PCCA: variants seen among roughly 807,000 people sequenced by gnomAD.
PCCA encodes propionyl-CoA carboxylase subunit alpha.
PCCA carries 74 observed loss-of-function variants against 101.3 expected under a neutral mutation model. That is an observed-to-expected ratio of 0.73 (90% confidence interval 0.61 to 0.89). The LOEUF is 0.89. Among genes scored for constraint, PCCA ranks in the 40% least tolerant of loss-of-function variants. PCCA has a pLI of 0.00. For missense variants in PCCA, 891 were observed against 907.0 expected, an observed-to-expected ratio of 0.98 and a Z score of 0.23; for synonymous variants, 294 against 313.6, an observed-to-expected ratio of 0.94 and a Z score of 0.66.
rs985447229 is a variant in PCCA, at chr13:100,520,597, A to T, written c.2040+5030A>T. On this transcript the variant is annotated intron_variant, in intron 22 of 23. Coordinates refer to ENST00000376285, the MANE Select transcript of PCCA (RefSeq NM_000282.4). ...TTGCAGTGAGCGGAGATCGCGCCAC[A>T]GCACTCCAGCCTGGGCGACAGAGCG... is the stretch of plus-strand genomic sequence containing the variant. 6.0e-3 allele frequency among the ~76,000 whole-genome samples: 826 copies of T among 137,804 alleles called. 4 individuals carry two copies. Among genetic ancestry groups the T allele is most frequent in the African/African-American group, 0.011 (409 of 36,270 alleles). 90.4% of individuals were successfully genotyped at this position (137,804 alleles called of 152,430 possible).
intron 21 of PCCA, among the ~76,000 whole-genome samples, chr13:100,511,140 C>T (rs1279969597): frequency 1.3e-5 from 2 of 152,176 alleles, no homozygotes; most frequent in Admixed American, 6.5e-5. Flanking sequence ...GAGAGTAGAA[C>T]GTGGTTGAAT....
At chr13:100,482,975 A>C (rs1338081313) in intron 21 of PCCA, among the ~76,000 whole-genome samples, 1 of 152,214 alleles carries the variant, frequency 6.6e-6, no homozygotes, top group African/African-American at 2.4e-5. Flanking sequence ...TAATGTTTCT[A>C]ATAATGGAAT....
At chr13:100,345,555 A>G (rs1300046959) in intron 18 of PCCA, among the ~76,000 whole-genome samples, 1 of 152,230 alleles carries the variant, frequency 6.6e-6, no homozygotes, top group Non-Finnish European at 1.5e-5. Context: ...TCTCCATAAC[A>G]TAAAAGTGGA....
At chr13:100,444,992 T>A (rs2080716225) in intron 20 of PCCA, among the ~76,000 whole-genome samples, 1 of 152,192 alleles carries the variant, frequency 6.6e-6, no homozygotes, top group African/African-American at 2.4e-5. Context: ...AGAAAAAGTT[T>A]ATTTGGCTCG....
At chr13:100,189,314 G>A (rs958561060) in intron 6 of PCCA, among the ~76,000 whole-genome samples, 1 of 152,190 alleles carries the variant, frequency 6.6e-6, no homozygotes, top group African/African-American at 2.4e-5. Flanking sequence ...TTGGTTCCAT[G>A]TCTTTGCTAC....
chr13:100,102,967 A>T lies in PCCA; in HGVS notation c.183+7A>T. 6.5e-7 allele frequency: 1 copy of T among 1,543,274 alleles called. No homozygotes were observed. The highest frequency in any genetic ancestry group is 9.0e-7 in the Non-Finnish European group (1 of 1,115,718). On this transcript the variant is annotated splice_region_variant and intron_variant, in intron 2 of 23. Transcript: ENST00000376285. ...ATATGATCCTAATGAAAAAGTAAGT[A>T]TTTAAAAGATATTCTCAACAACTAA... is the stretch of plus-strand genomic sequence containing the variant.
In PCCA at chr13:100,470,883, T is replaced by C. The variant is rs551610264; in HGVS notation, c.1899+21578T>C. On this transcript the variant is annotated intron_variant, in intron 21 of 23. Transcript: ENST00000376285. ...CAAAAAATAAAAATAAAAAAACTTT[T>C]CATATCAGCAACAAGGCTATTTCAC... 1.1e-4 allele frequency among the ~76,000 whole-genome samples: 17 copies of C among 152,042 alleles called. No homozygotes were observed. The East Asian group carries it at 3.3e-3, about 29-fold the overall frequency.
chr13:100,262,690 C>T (rs564588425), intron 9 of PCCA, 39 bp from the exon 10 acceptor site: 1 of 853,982 alleles, frequency 1.2e-6, no homozygotes, highest in South Asian at 1.3e-5. Flanking sequence ...CTTCCCCTCC[C>T]TCTCCCCCCC....
intron 22 of PCCA, among the ~76,000 whole-genome samples, chr13:100,519,511 C>T (rs956529393): frequency 2.6e-5 from 4 of 152,178 alleles, no homozygotes; most frequent in Non-Finnish European, 4.4e-5. Flanking sequence ...CATCGGTGGG[C>T]GTCGGTGGCA....
intron 18 of PCCA, among the ~76,000 whole-genome samples, chr13:100,354,121 A>AT (rs57382165): frequency 1.6e-4 from 22 of 139,654 alleles, no homozygotes; most frequent in African/African-American, 4.5e-4. Context: ...AATAATAATA[A>AT]AATAATTCGC....
intron 9 of PCCA, among the ~76,000 whole-genome samples, chr13:100,259,772 C>G (rs2062355122): frequency 1.3e-5 from 2 of 152,116 alleles, no homozygotes; most frequent in Non-Finnish European, 2.9e-5. Context: ...CTGATTGTGT[C>G]TATATTTTTG....
chr13:100,490,602 C>A (rs1188412618), intron 21 of PCCA: 3 of 152,182 alleles, frequency 2.0e-5, no homozygotes, highest in African/African-American at 7.2e-5. Flanking sequence ...AGATAACATT[C>A]ACCTCTTGAG....
chr13:100,203,948 CCTTT>C (rs1472216858), intron 6 of PCCA, among the ~76,000 whole-genome samples: 2 of 152,200 alleles, frequency 1.3e-5, no homozygotes, highest in South Asian at 2.1e-4. Context: ...AGTGGGTGCT[CCTTT>C]CTATCTGCTA....
intron 4 of PCCA, among the ~76,000 whole-genome samples, chr13:100,124,555 C>G (rs1170462566): frequency 3.3e-5 from 5 of 152,108 alleles, no homozygotes; most frequent in Non-Finnish European, 2.9e-5. Flanking sequence ...GGGCAGTCAT[C>G]ACTTTTTATG....
At chr13:100,223,951 A>G (rs1380590108) in intron 7 of PCCA, among the ~76,000 whole-genome samples, 5 of 152,226 alleles carry the variant, frequency 3.3e-5, no homozygotes, top group Non-Finnish European at 7.4e-5. Context: ...AAGGTTCTCC[A>G]TGTCCTCACC....
At chr13:100,470,037 G>A (rs1384341193) in intron 21 of PCCA, among the ~76,000 whole-genome samples, 6 of 152,096 alleles carry the variant, frequency 3.9e-5, no homozygotes, top group Non-Finnish European at 7.4e-5. Flanking sequence ...CAGTGGTTGC[G>A]GAGCACCTGG....
intron 21 of PCCA, among the ~76,000 whole-genome samples, chr13:100,489,494 G>A (rs1471458463): frequency 2.6e-5 from 4 of 152,220 alleles, no homozygotes; most frequent in Non-Finnish European, 5.9e-5. Context: ...GTCATAGGTA[G>A]TTGCATTTGC....
At position 100,498,850 on chromosome 13, in the gene PCCA, G is replaced by C. The variant is rs896407501; in HGVS notation, c.1900-16577G>C. Reference sequence around the variant, plus strand: ...CTGTTTTGGAGTGATATTTCCTGGGGTGGAGGTAGTTTAATGATTCATCTC... The same window carrying C: ...CTGTTTTGGAGTGATATTTCCTGGGCTGGAGGTAGTTTAATGATTCATCTC... On this transcript the variant is annotated intron_variant, in intron 21 of 23. Transcript: ENST00000376285. Among the ~76,000 whole-genome samples the C allele has an allele frequency of 3.9e-5, 6 of 152,262 alleles. No individual in the cohort carries two copies. In the South Asian group the frequency reaches 8.3e-4, roughly 21 times the overall value.
At chr13:100,113,489 TTTTC>T (rs1169702989) in intron 4 of PCCA, among the ~76,000 whole-genome samples, 2 of 152,122 alleles carry the variant, frequency 1.3e-5, no homozygotes, top group Non-Finnish European at 2.9e-5. Flanking sequence ...AGAAAAATAG[TTTTC>T]TTTCTTCAAT....
Sources: allele counts gnomAD v4.1 joint callset (sites outside exome capture counted in the v4.1 genomes callset), GRCh38; gene constraint gnomAD v4.1.1; transcripts MANE v1.5; gene names NCBI Gene and HGNC (gene_info 2026-07-23, HGNC 2026-07-21).